The following PLCL2 variants were observed in gnomAD, a reference collection of about 807,000 sequenced individuals.
PLCL2 encodes the protein phospholipase C like 2.
Under a neutral mutation model 79.6 loss-of-function variants are expected in PLCL2, and 4 were observed. That is an observed-to-expected ratio of 0.05 (90% CI 0.02 to 0.11). PLCL2 has a LOEUF of 0.11. Ranked by LOEUF, PLCL2 falls within the 10% of genes least tolerant of loss-of-function variation. The probability of loss-of-function intolerance (pLI) is 1.00; values close to 1 mark genes in which losing one functional copy is unlikely to be tolerated. For synonymous variants in PLCL2, 484 were observed against 457.7 expected (o/e 1.06, Z -0.73); for missense variants, 895 against 1,291.0 (o/e 0.69, Z 4.70).
At chr3:16,978,602 A>G (rs1244199716) in intron 1 of PLCL2, among the ~76,000 whole-genome samples, 1 of 152,122 alleles carries the variant, frequency 6.6e-6, no homozygotes, top group Non-Finnish European at 1.5e-5. Flanking sequence ...ACTGAAAGGG[A>G]GATAACTGTT....
intron 1 of PLCL2, 126 bp downstream of exon 1, chr3:16,885,492 G>C: frequency 2.1e-6 from 1 of 485,888 alleles, no homozygotes; most frequent in Non-Finnish European, 3.7e-6. Flanking sequence ...ATGGGTGCTT[G>C]GGGTGGTTGA....
intron 3 of PLCL2, among the ~76,000 whole-genome samples, chr3:17,015,655 C>T (rs1298928351): frequency 6.6e-6 from 1 of 150,446 alleles, no homozygotes; most frequent in East Asian, 1.9e-4. Context: ...CCCAGATGGG[C>T]CAGTCTGTCT....
chr3:16,949,670 C>G (rs1172696009), intron 1 of PLCL2, among the ~76,000 whole-genome samples: 1 of 152,158 alleles, frequency 6.6e-6, no homozygotes, highest in African/African-American at 2.4e-5. Context: ...CTCCATCCTC[C>G]TCCCACTTTG....
At chr3:17,080,711 A>C (rs1272917433) in intron 5 of PLCL2, among the ~76,000 whole-genome samples, 1 of 152,186 alleles carries the variant, frequency 6.6e-6, no homozygotes, top group Non-Finnish European at 1.5e-5. Context: ...TCGGCCTCCC[A>C]AAGTGCTGGG....
At chr3:16,904,346 C>G (rs1696702655) in intron 1 of PLCL2, among the ~76,000 whole-genome samples, 1 of 148,730 alleles carries the variant, frequency 6.7e-6, no homozygotes, top group Admixed American at 6.8e-5. Flanking sequence ...TTTGTTAACA[C>G]TTACGTTTAC....
At chr3:16,903,145 G>A (rs1696668039) in intron 1 of PLCL2, among the ~76,000 whole-genome samples, 1 of 152,122 alleles carries the variant, frequency 6.6e-6, no homozygotes, top group African/African-American at 2.4e-5. Context: ...TTCAGGTGAA[G>A]CAATTATTTT....
rs199814870 is a variant in PLCL2, at chr3:17,016,783, C to CT, written c.3018+1877dup. ...AAAAAGTATCTGATATTTATAAACGCTTTTTAAGCATAAGCCACAAATAAA... is the reference window on the plus strand; with the variant it reads ...AAAAAGTATCTGATATTTATAAACGCTTTTTTAAGCATAAGCCACAAATAAA... On this transcript the variant is annotated intron_variant, in intron 3 of 5. Transcript: ENST00000615277. Among the ~76,000 whole-genome samples the CT allele has an allele frequency of 9.4e-3, 1,425 of 152,304 alleles. 10 individuals are homozygous for CT. The highest frequency in any genetic ancestry group is 0.014 in the Non-Finnish European group (955 of 68,022).
intron 1 of PLCL2, among the ~76,000 whole-genome samples, chr3:16,912,918 C>T (rs1202980653): frequency 6.6e-6 from 1 of 152,194 alleles, no homozygotes; most frequent in African/African-American, 2.4e-5. Context: ...GTTTCTGATG[C>T]TGGTACCAGG....
chr3:16,995,431 G>A lies in PLCL2; in HGVS notation c.328-14243G>A, dbSNP rs577302310. On this transcript the variant is annotated intron_variant, in intron 1 of 5. Transcript: ENST00000615277. ...GCCCAGGAACGTGCACTCTCAGGCC[G>A]CAGGGCCTTCTCTAAGGAGGTGCTG... Among the ~76,000 whole-genome samples the A allele has an allele frequency of 3.3e-5, 5 of 152,290 alleles. No homozygotes were observed. In the South Asian group the frequency reaches 6.2e-4, roughly 19 times the overall value.
At chr3:16,922,143 G>C (rs938999323) in intron 1 of PLCL2, among the ~76,000 whole-genome samples, 4 of 152,132 alleles carry the variant, frequency 2.6e-5, no homozygotes, top group African/African-American at 9.7e-5. Context: ...GAAGAATTTG[G>C]CTCTGCAGTT....
intron 1 of PLCL2, among the ~76,000 whole-genome samples, chr3:16,996,700 CAA>C (rs34921736): frequency 7.2e-6 from 1 of 139,336 alleles, no homozygotes. Flanking sequence ...ATGCTGTTAT[CAA>C]AAAAAAAAAA....
At chr3:16,986,342 C>T (rs191307142) in intron 1 of PLCL2, among the ~76,000 whole-genome samples, 181 of 152,112 alleles carry the variant, frequency 1.2e-3, no homozygotes, top group Non-Finnish European at 2.2e-3. Flanking sequence ...TAGTTCCTTC[C>T]GGACCCTACA....
At chr3:17,045,113 T>C (rs2064767138) in intron 4 of PLCL2, among the ~76,000 whole-genome samples, 2 of 152,200 alleles carry the variant, frequency 1.3e-5, no homozygotes, top group Admixed American at 6.5e-5. Flanking sequence ...TAAGGACATA[T>C]AGTCATTAGT....
intron 4 of PLCL2, among the ~76,000 whole-genome samples, chr3:17,067,240 C>G (rs2065019093): frequency 6.6e-6 from 1 of 152,024 alleles, no homozygotes; most frequent in Admixed American, 6.6e-5. Flanking sequence ...ATTCAGCGGT[C>G]TTACTATTAG....
intron 1 of PLCL2, among the ~76,000 whole-genome samples, chr3:17,000,611 A>C (rs767270023): frequency 6.6e-6 from 1 of 151,982 alleles, no homozygotes; most frequent in Non-Finnish European, 1.5e-5. Flanking sequence ...CAAGCCTCTG[A>C]TAACCACCAT....
intron 3 of PLCL2, among the ~76,000 whole-genome samples, chr3:17,039,212 C>G (rs1473887111): frequency 6.6e-6 from 1 of 152,198 alleles, no homozygotes; most frequent in Non-Finnish European, 1.5e-5. Flanking sequence ...CCTGCTAGAT[C>G]AGCTGGTGGC....
At chr3:16,984,465 G>A (rs1193699581) in intron 1 of PLCL2, among the ~76,000 whole-genome samples, 1 of 152,090 alleles carries the variant, frequency 6.6e-6, no homozygotes, top group Non-Finnish European at 1.5e-5. Context: ...GTTAGAGTTT[G>A]TTGTTTTTAT....
In PLCL2 at chr3:17,009,885, A is replaced by G. The variant is rs761771277; in HGVS notation, c.539A>G (p.Asp180Gly). Residue 180 changes from aspartate to glycine, a missense_variant, in exon 2 of 6, where the codon GAT becomes GGT. Transcript: ENST00000615277. This position sits in a 1 kb window ranked among gnomAD's most constrained non-coding sequence, Gnocchi z 4.0. Reference sequence around the variant, plus strand: ...CTAAGGTGGGAGCCATCTAAGAAGGATTCTGAGAAAGCCAAGATTGACATT... The same window carrying G: ...CTAAGGTGGGAGCCATCTAAGAAGGGTTCTGAGAAAGCCAAGATTGACATT... ...QSLRWEPSKK[D>G]SEKAKIDIKS... 1 of 1,612,730 alleles carries G rather than the reference A, an allele frequency of 6.2e-7. No individual in the cohort carries two copies. Among genetic ancestry groups the G allele is most frequent in the Non-Finnish European group, 8.5e-7 (1 of 1,178,850 alleles).
chr3:16,927,352 C>G, intron 1 of PLCL2, among the ~76,000 whole-genome samples: 1 of 149,186 alleles, frequency 6.7e-6, no homozygotes, highest in East Asian at 2.0e-4. Flanking sequence ...TAATAAAATA[C>G]AAAAAAAAAT....
Sources: allele counts gnomAD v4.1 joint callset (sites outside exome capture counted in the v4.1 genomes callset), GRCh38; gene constraint gnomAD v4.1.1; non-coding constraint Gnocchi (gnomAD v3.1); transcripts MANE v1.5; gene names NCBI Gene and HGNC (gene_info 2026-07-23, HGNC 2026-07-21).